PPP1R9A: variants seen among roughly 807,000 people sequenced by gnomAD.
PPP1R9A encodes the protein protein phosphatase 1 regulatory subunit 9A.
In PPP1R9A, 59 loss-of-function variants were observed where a neutral mutation model predicts 141.9. That is an observed-to-expected ratio of 0.42 (90% confidence interval 0.34 to 0.52). PPP1R9A has a LOEUF of 0.52. PPP1R9A is among the 20% of genes least tolerant of loss of function. The pLI is 0.10. For missense variants in PPP1R9A, 1,444 were observed against 1,611.9 expected (o/e 0.90, Z 1.78); for synonymous variants, 500 against 569.7 (o/e 0.88, Z 1.74).
intron 8 of PPP1R9A, among the ~76,000 whole-genome samples, chr7:95,230,857 A>C (rs531963194): frequency 4.6e-5 from 7 of 152,330 alleles, no homozygotes; most frequent in African/African-American, 1.7e-4. Flanking sequence ...ATAGAAAAAA[A>C]GGTATTCAAG....
intron 6 of PPP1R9A, among the ~76,000 whole-genome samples, chr7:95,203,338 T>C (rs936015500): frequency 3.2e-4 from 48 of 152,136 alleles, no homozygotes; most frequent in Non-Finnish European, 5.3e-4. Flanking sequence ...TTATAAAAAG[T>C]GTTAGAGGGA....
intron 2 of PPP1R9A, among the ~76,000 whole-genome samples, chr7:95,015,844 G>C (rs1805027219): frequency 1.3e-5 from 2 of 151,978 alleles, no homozygotes; most frequent in South Asian, 4.1e-4. Context: ...GAGGCCAGGA[G>C]TTTAATAATA....
intron 2 of PPP1R9A, among the ~76,000 whole-genome samples, chr7:95,038,401 C>T (rs1039734637): frequency 2.1e-4 from 32 of 152,172 alleles, no homozygotes; most frequent in African/African-American, 7.5e-4. Context: ...TCCTACCTAC[C>T]TCCCCACCAG....
chr7:95,281,941 C>T (rs963298164), intron 16 of PPP1R9A, among the ~76,000 whole-genome samples: 17 of 152,172 alleles, frequency 1.1e-4, no homozygotes, highest in African/African-American at 4.1e-4. Flanking sequence ...TCCAGTTTTT[C>T]CTCAGAGATA....
rs185175611 is a variant in PPP1R9A at position 94,991,362 on chromosome 7, T to A, written c.1395+79854T>A. Among the ~76,000 whole-genome samples the A allele has an allele frequency of 3.5e-3, 528 of 152,342 alleles. 3 individuals carry two copies. The highest frequency in any genetic ancestry group is 0.012 in the African/African-American group (495 of 41,594). ...TCTGTTCAGACCATTTGCCCATTTTTAAATTGGATCACTTGCCTTTTTGTT... is the reference window on the plus strand; with the variant it reads ...TCTGTTCAGACCATTTGCCCATTTTAAAATTGGATCACTTGCCTTTTTGTT... On this transcript the variant is annotated intron_variant, in intron 2 of 19. Transcript: ENST00000433360.
At chr7:95,139,547 A>C (rs1261974176) in intron 4 of PPP1R9A, among the ~76,000 whole-genome samples, 1 of 152,170 alleles carries the variant, frequency 6.6e-6, no homozygotes, top group African/African-American at 2.4e-5. Flanking sequence ...TGTGATTTTC[A>C]AAATTGCTTC....
chr7:95,275,518 T>C (rs2153060535), intron 16 of PPP1R9A, among the ~76,000 whole-genome samples: 1 of 152,290 alleles, frequency 6.6e-6, no homozygotes, highest in African/African-American at 2.4e-5. Flanking sequence ...CAGCAGGCAG[T>C]TAATGTCAAC....
At chr7:95,207,797 G>A (rs147500575) in intron 7 of PPP1R9A, among the ~76,000 whole-genome samples, 33 of 152,148 alleles carry the variant, frequency 2.2e-4, no homozygotes, top group African/African-American at 7.7e-4. Context: ...CATAATTAAT[G>A]TAAAATAAAA....
intron 2 of PPP1R9A, among the ~76,000 whole-genome samples, chr7:94,962,825 G>A (rs952144828): frequency 4.3e-4 from 66 of 152,216 alleles, no homozygotes; most frequent in African/African-American, 1.6e-3. Flanking sequence ...TCCTGCTGGA[G>A]TCAAGCTCGC....
At chr7:95,071,135 G>T (rs1016196234) in intron 2 of PPP1R9A, among the ~76,000 whole-genome samples, 1 of 151,892 alleles carries the variant, frequency 6.6e-6, no homozygotes, top group African/African-American at 2.4e-5. Flanking sequence ...ACTTAGAAAT[G>T]GTTTCATGCT....
At chr7:94,964,210 G>T (rs554736499) in intron 2 of PPP1R9A, among the ~76,000 whole-genome samples, 1 of 152,212 alleles carries the variant, frequency 6.6e-6, no homozygotes, top group African/African-American at 2.4e-5. Context: ...CATTTGGGTA[G>T]TTTCCTCATT....
At chr7:94,953,147 A>G (rs1192329241) in intron 2 of PPP1R9A, among the ~76,000 whole-genome samples, 1 of 152,028 alleles carries the variant, frequency 6.6e-6, no homozygotes, top group African/African-American at 2.4e-5. Flanking sequence ...TGGTGTAAGG[A>G]AGGGGTTCAG....
intron 7 of PPP1R9A, among the ~76,000 whole-genome samples, chr7:95,210,534 C>T (rs1210235891): frequency 5.9e-5 from 9 of 151,724 alleles, no homozygotes; most frequent in Non-Finnish European, 1.3e-4. Context: ...GGCATGATCT[C>T]AGCTCACTGC....
intron 12 of PPP1R9A, among the ~76,000 whole-genome samples, chr7:95,262,908 C>G (rs556602475): frequency 1.3e-5 from 2 of 152,248 alleles, no homozygotes; most frequent in South Asian, 4.2e-4. Context: ...GAAAGATACC[C>G]TTCCTCCATA....
intron 9 of PPP1R9A, among the ~76,000 whole-genome samples, chr7:95,248,924 C>T (rs1384938228): frequency 1.3e-5 from 2 of 151,998 alleles, no homozygotes; most frequent in Non-Finnish European, 2.9e-5. Context: ...TACATGTTTA[C>T]TTTTGCTAAG....
intron 4 of PPP1R9A, among the ~76,000 whole-genome samples, chr7:95,149,318 T>G (rs1018227479): frequency 1.3e-5 from 2 of 152,136 alleles, no homozygotes; most frequent in African/African-American, 4.8e-5. Context: ...TAAAAAACTT[T>G]CCTGCTAAGA....
At chr7:94,986,214 G>C (rs994317615) in intron 2 of PPP1R9A, among the ~76,000 whole-genome samples, 1 of 152,102 alleles carries the variant, frequency 6.6e-6, no homozygotes, top group Admixed American at 6.6e-5. Flanking sequence ...AGAAGAACCT[G>C]TTCTGTTGTC....
At chr7:94,996,992 C>T (rs778014935) in intron 2 of PPP1R9A, among the ~76,000 whole-genome samples, 13 of 151,780 alleles carry the variant, frequency 8.6e-5, no homozygotes, top group Non-Finnish European at 1.6e-4. Context: ...GGTAGAGACA[C>T]GGGGTTTCAC....
chr7:94,973,051 C>CA (rs1554441964), intron 2 of PPP1R9A, among the ~76,000 whole-genome samples: 7 of 152,084 alleles, frequency 4.6e-5, no homozygotes, highest in Non-Finnish European at 7.4e-5. Flanking sequence ...GAAATTACTT[C>CA]GTACTTTTCC....
Sources: allele counts gnomAD v4.1 joint callset (sites outside exome capture counted in the v4.1 genomes callset), GRCh38; gene constraint gnomAD v4.1.1; transcripts MANE v1.5; gene names NCBI Gene and HGNC (gene_info 2026-07-23, HGNC 2026-07-21).